The following PBX1 variants were observed in gnomAD, a reference collection of about 807,000 sequenced individuals.
The protein encoded by PBX1 is PBX homeobox 1.
In PBX1, 6 loss-of-function variants were observed where a neutral mutation model predicts 53.4. That is an observed-to-expected ratio of 0.11 (90% CI 0.06 to 0.22). The LOEUF (loss-of-function observed/expected upper bound fraction) is 0.22, where lower values mean the gene tolerates loss of function less well. Among genes scored for constraint, PBX1 ranks in the 10% least tolerant of loss-of-function variants. The pLI is 1.00. For synonymous variants in PBX1, 204 were observed against 212.3 expected (o/e 0.96, Z 0.34); for missense variants, 251 against 551.4 (o/e 0.46, Z 5.46).
chr1:164,685,942 C>T (rs1571218581), intron 2 of PBX1, among the ~76,000 whole-genome samples: 1 of 152,120 alleles, frequency 6.6e-6, no homozygotes, highest in East Asian at 1.9e-4. Context: ...CCTGTTCCCC[C>T]GTGGTGAGTG....
intron 2 of PBX1, among the ~76,000 whole-genome samples, chr1:164,709,038 A>G (rs776996983): frequency 6.6e-6 from 1 of 152,216 alleles, no homozygotes; most frequent in South Asian, 2.1e-4. Context: ...CCAGCAAATC[A>G]GCGATGGCAG....
chr1:164,696,518 A>G (rs1289866579), intron 2 of PBX1, among the ~76,000 whole-genome samples: 1 of 152,180 alleles, frequency 6.6e-6, no homozygotes, highest in Non-Finnish European at 1.5e-5. Context: ...GCTGCATCGT[A>G]TGCAAGTTTG....
intron 2 of PBX1, among the ~76,000 whole-genome samples, chr1:164,571,870 A>G (rs1315641977): frequency 2.0e-4 from 14 of 68,730 alleles, no homozygotes; most frequent in Non-Finnish European, 2.8e-4. Flanking sequence ...AAATCTGTAC[A>G]TTGTATATAT....
chr1:164,731,147 C>T (rs1234669287), intron 2 of PBX1, among the ~76,000 whole-genome samples: 1 of 152,130 alleles, frequency 6.6e-6, no homozygotes, highest in African/African-American at 2.4e-5. Context: ...GGCAACAGGT[C>T]TACTGCAGGC....
At chr1:164,583,436 C>T (rs1654754874) in intron 2 of PBX1, among the ~76,000 whole-genome samples, 2 of 152,136 alleles carry the variant, frequency 1.3e-5, no homozygotes, top group Admixed American at 1.3e-4. Context: ...TCTCAGGTCA[C>T]AGGGTGAGAG....
At chr1:164,633,392 C>T (rs1266312379) in intron 2 of PBX1, among the ~76,000 whole-genome samples, 1 of 152,158 alleles carries the variant, frequency 6.6e-6, no homozygotes. Context: ...TCAGGTGTTC[C>T]ACCCACCTTG....
At chr1:164,809,984 A>G (rs988585493) in intron 5 of PBX1, among the ~76,000 whole-genome samples, 1 of 152,216 alleles carries the variant, frequency 6.6e-6, no homozygotes, top group African/African-American at 2.4e-5. Context: ...CAACTTCCCC[A>G]TGAACACTTA....
At chr1:164,714,849 C>T (rs1054608232) in intron 2 of PBX1, among the ~76,000 whole-genome samples, 1 of 152,184 alleles carries the variant, frequency 6.6e-6, no homozygotes, top group Admixed American at 6.5e-5. Flanking sequence ...TGAGTCTGAA[C>T]CAGGACTGGA....
intron 8 of PBX1, among the ~76,000 whole-genome samples, chr1:164,822,459 G>A (rs1342527173): frequency 6.6e-6 from 1 of 152,050 alleles, no homozygotes; most frequent in Non-Finnish European, 1.5e-5. Context: ...ATTTTTTATT[G>A]TTTGTTTCTG....
intron 2 of PBX1, chr1:164,590,256 C>G: frequency 2.3e-6 from 1 of 439,736 alleles, no homozygotes. Context: ...AGAAGAAATA[C>G]CTTGGCCAGC....
intron 2 of PBX1, among the ~76,000 whole-genome samples, chr1:164,864,783 G>T (rs1672178923): frequency 6.6e-6 from 1 of 152,226 alleles, no homozygotes; most frequent in African/African-American, 2.4e-5. Flanking sequence ...GAAGGCAGAA[G>T]TGAGCCTCTG....
At chr1:164,846,412 T>C (rs1446077975) in intron 8 of PBX1, among the ~76,000 whole-genome samples, 172 bp from the exon 9 acceptor site, 2 of 152,120 alleles carry the variant, frequency 1.3e-5, no homozygotes, top group East Asian at 3.9e-4. Context: ...CCAAACTTAT[T>C]TGAGGGTGGG....
intron 2 of PBX1, among the ~76,000 whole-genome samples, chr1:164,600,076 A>G (rs1279652280): frequency 1.3e-5 from 2 of 152,070 alleles, no homozygotes; most frequent in Non-Finnish European, 2.9e-5. Context: ...TGGTGTTCCC[A>G]TTTCCTAAAT....
At chr1:164,802,414 T>A (rs1169979914) in intron 4 of PBX1, among the ~76,000 whole-genome samples, 2 of 152,160 alleles carry the variant, frequency 1.3e-5, no homozygotes, top group Non-Finnish European at 2.9e-5. Context: ...TCCTTCTGAT[T>A]GTACGACTGA....
chr1:164,877,564 G>A (rs1672545136), intron 2 of PBX1, among the ~76,000 whole-genome samples: 1 of 152,218 alleles, frequency 6.6e-6, no homozygotes, highest in South Asian at 2.1e-4. Flanking sequence ...TCAGGAGGCT[G>A]AGGCAGGAGA....
chr1:164,742,678 A>C (rs755419727), intron 2 of PBX1, among the ~76,000 whole-genome samples: 1 of 152,240 alleles, frequency 6.6e-6, no homozygotes, highest in African/African-American at 2.4e-5. Context: ...GGAAATTGCT[A>C]TATAAAAACA....
At chr1:164,677,696 G>C (rs1661514848) in intron 2 of PBX1, among the ~76,000 whole-genome samples, 1 of 152,064 alleles carries the variant, frequency 6.6e-6, no homozygotes, top group African/African-American at 2.4e-5. Context: ...GGCAGGAACA[G>C]ATACATAGAA....
At chr1:164,640,140 C>G (rs1659031080) in intron 2 of PBX1, among the ~76,000 whole-genome samples, 1 of 152,164 alleles carries the variant, frequency 6.6e-6, no homozygotes. Context: ...GTTCCCCAAA[C>G]AGATCGCAGC....
At chr1:164,752,733 C>T (rs370035427) in intron 2 of PBX1, among the ~76,000 whole-genome samples, 11 of 152,062 alleles carry the variant, frequency 7.2e-5, no homozygotes, top group African/African-American at 1.9e-4. Flanking sequence ...ATTGAAGGGG[C>T]AATTTTGATG....
Sources: gnomAD v4.1 joint callset for allele counts (sites outside exome capture counted in the v4.1 genomes callset) on GRCh38, gnomAD v4.1.1 for gene constraint, MANE v1.5 for transcripts, NCBI Gene and HGNC (gene_info 2026-07-23, HGNC 2026-07-21) for gene names.